PSTPIP2: variants seen among roughly 807,000 people sequenced by gnomAD.
PSTPIP2 encodes proline-serine-threonine phosphatase interacting protein 2.
Under a neutral mutation model 63.3 loss-of-function variants are expected in PSTPIP2, and 33 were observed. The observed-to-expected ratio is 0.52, with a 90% CI of 0.40 to 0.70. PSTPIP2 has a LOEUF of 0.70. Among genes scored for constraint, PSTPIP2 ranks in the 30% least tolerant of loss-of-function variants. The pLI is 0.00. For missense variants in PSTPIP2, 312 were observed against 400.7 expected, an observed-to-expected ratio of 0.78 and a Z score of 1.89; for synonymous variants, 125 against 132.7, an observed-to-expected ratio of 0.94 and a Z score of 0.40.
intron 1 of PSTPIP2, among the ~76,000 whole-genome samples, chr18:46,054,850 G>T (rs990544541): frequency 6.6e-6 from 1 of 151,750 alleles, no homozygotes; most frequent in Non-Finnish European, 1.5e-5. Context: ...TAGTAGAAAC[G>T]GGGCTTTACC....
At chr18:46,004,616 T>G (rs2144074776) in intron 6 of PSTPIP2, among the ~76,000 whole-genome samples, 1 of 152,362 alleles carries the variant, frequency 6.6e-6, no homozygotes, top group Admixed American at 6.5e-5. Context: ...TATATGTTTT[T>G]GTATCTTTGC....
intron 14 of PSTPIP2, among the ~76,000 whole-genome samples, chr18:45,985,724 C>A (rs145639500): frequency 6.6e-6 from 1 of 152,182 alleles, no homozygotes; most frequent in African/African-American, 2.4e-5. Flanking sequence ...ACAGGAATAG[C>A]AGCTAAAATC....
In PSTPIP2 at chr18:46,041,526, C is replaced by T. The variant is rs943493152; in HGVS notation, c.34-1479G>A. On this transcript the variant is annotated intron_variant, in intron 1 of 14. Coordinates refer to ENST00000409746, the MANE Select transcript of PSTPIP2 (RefSeq NM_024430.4). Reference sequence around the variant, plus strand: ...GCCTCCCAAAGTGCCAGGCGTGAGCCACCATGCCTGGCCAAATTTTTAAAT... The same window carrying T: ...GCCTCCCAAAGTGCCAGGCGTGAGCTACCATGCCTGGCCAAATTTTTAAAT... Among the ~76,000 whole-genome samples the T allele has an allele frequency of 4.6e-5, 7 of 152,142 alleles. No homozygotes were observed. In the South Asian group the frequency reaches 1.4e-3, roughly 31 times the overall value.
At chr18:46,036,731 T>C (rs1907994056) in intron 2 of PSTPIP2, among the ~76,000 whole-genome samples, 1 of 152,032 alleles carries the variant, frequency 6.6e-6, no homozygotes, top group South Asian at 2.1e-4. Flanking sequence ...GTAATGGAGG[T>C]AAAATGTGGC....
At chr18:46,021,441 A>ATAT (rs201676531) in intron 3 of PSTPIP2, among the ~76,000 whole-genome samples, 2 of 150,046 alleles carry the variant, frequency 1.3e-5, no homozygotes, top group Non-Finnish European at 1.5e-5. Context: ...ATATATATAT[A>ATAT]AAAAACCAAA....
At chr18:46,056,293 T>C (rs1908752101) in intron 1 of PSTPIP2, among the ~76,000 whole-genome samples, 1 of 152,210 alleles carries the variant, frequency 6.6e-6, no homozygotes, top group South Asian at 2.1e-4. Flanking sequence ...CCCAAATCCA[T>C]GCTTCCCTCT....
In PSTPIP2 at chr18:45,998,745, G is replaced by A. The variant is rs372230952; in HGVS notation, c.562+49C>T. On this transcript the variant is annotated intron_variant, in intron 8 of 14. Transcript: ENST00000409746. ...TTCTCAGGGACACATTTAGGATAAC[G>A]TAAACCCCACCAGCAACCCTCCCCC... 8 of 1,585,500 alleles carry A rather than the reference G, an allele frequency of 5.0e-6. No homozygotes were observed. The East Asian group carries it at 9.0e-5, about 18-fold the overall frequency.
intron 1 of PSTPIP2, among the ~76,000 whole-genome samples, chr18:46,059,925 G>A (rs1457057245): frequency 6.6e-6 from 1 of 152,200 alleles, no homozygotes; most frequent in African/African-American, 2.4e-5. Flanking sequence ...CAGCCACTAG[G>A]GAGGCTGAGA....
At chr18:46,001,143 A>G (rs2051661364) in intron 6 of PSTPIP2, among the ~76,000 whole-genome samples, 1 of 152,164 alleles carries the variant, frequency 6.6e-6, no homozygotes, top group Non-Finnish European at 1.5e-5. Context: ...TAGTAAGTCT[A>G]TTTGTAGTTT....
At chr18:46,028,174 G>C (rs1907651697) in intron 2 of PSTPIP2, 5 of 333,050 alleles carry the variant, frequency 1.5e-5, no homozygotes, top group Non-Finnish European at 3.0e-5. Context: ...AAGAAAAGAG[G>C]CGCGCATGCG....
intron 1 of PSTPIP2, among the ~76,000 whole-genome samples, chr18:46,040,751 A>T (rs2144111947): frequency 6.6e-6 from 1 of 152,344 alleles, no homozygotes; most frequent in South Asian, 2.1e-4. Flanking sequence ...GTAAGAACAC[A>T]TGTAGTGTGA....
chr18:46,051,673 A>G (rs1358019558), intron 1 of PSTPIP2, among the ~76,000 whole-genome samples: 1 of 152,192 alleles, frequency 6.6e-6, no homozygotes, highest in Non-Finnish European at 1.5e-5. Context: ...TCCAAATCCC[A>G]GAAAAGCCCC....
At chr18:46,039,470 G>T (rs1908107930) in intron 2 of PSTPIP2, among the ~76,000 whole-genome samples, 1 of 151,942 alleles carries the variant, frequency 6.6e-6, no homozygotes, top group Non-Finnish European at 1.5e-5. Flanking sequence ...CAGATATCCA[G>T]GTACTTCTTC....
chr18:46,042,206 C>T (rs367783284), intron 1 of PSTPIP2, among the ~76,000 whole-genome samples: 2 of 152,094 alleles, frequency 1.3e-5, no homozygotes, highest in South Asian at 2.1e-4. Context: ...AAATTTAGAC[C>T]TTAGAAAGCC....
chr18:46,031,506 C>G (rs967046375), intron 2 of PSTPIP2, among the ~76,000 whole-genome samples: 1 of 152,154 alleles, frequency 6.6e-6, no homozygotes, highest in Admixed American at 6.5e-5. Context: ...GAAGCTGACT[C>G]TAGTTATAGA....
chr18:46,045,823 C>T (rs1908364526), intron 1 of PSTPIP2, among the ~76,000 whole-genome samples: 1 of 152,182 alleles, frequency 6.6e-6, no homozygotes, highest in African/African-American at 2.4e-5. Flanking sequence ...ACACCCACAC[C>T]TGTAGTCCCA....
chr18:46,067,451 C>T (rs916055280), intron 1 of PSTPIP2, among the ~76,000 whole-genome samples: 1 of 147,312 alleles, frequency 6.8e-6, no homozygotes, highest in Non-Finnish European at 1.5e-5. Flanking sequence ...TGCAGTGACC[C>T]GAGATCGCAC....
rs1241048433 is a variant in PSTPIP2 at position 46,032,545 on chromosome 18, A to G, written c.134+7402T>C. Among the ~76,000 whole-genome samples, 4 of 151,942 alleles carry G rather than the reference A, an allele frequency of 2.6e-5. No homozygotes were observed. The South Asian group carries it at 8.3e-4, about 31-fold the overall frequency. ...GAGGTGGGCAGATCACCTGAGGTCA[A>G]GAGTTCGAGACTACCCTGGCTAAAA... On this transcript the variant is annotated intron_variant, in intron 2 of 14. Transcript: ENST00000409746.
At position 46,054,005 on chromosome 18, in the gene PSTPIP2, GC is replaced by G. The variant is rs559271070; in HGVS notation, c.34-13959del. Among the ~76,000 whole-genome samples, 506 of 152,270 alleles carry G rather than the reference GC, an allele frequency of 3.3e-3. 3 individuals carry two copies. The highest frequency in any genetic ancestry group is 0.011 in the African/African-American group (477 of 41,556). ...TAGTTACACAAACCTAGATGGTGTA[GC>G]CTACTACACAGTGAGGCTATATGGT... On this transcript the variant is annotated intron_variant, in intron 1 of 14. Coordinates refer to ENST00000409746, the MANE Select transcript of PSTPIP2 (RefSeq NM_024430.4).
Sources: allele counts gnomAD v4.1 joint callset (sites outside exome capture counted in the v4.1 genomes callset), GRCh38; gene constraint gnomAD v4.1.1; transcripts MANE v1.5; gene names NCBI Gene and HGNC (gene_info 2026-07-23, HGNC 2026-07-21).